The following MTA3 variants were observed in gnomAD, a reference collection of about 807,000 sequenced individuals.
The protein encoded by MTA3 is metastasis-associated protein MTA3.
A neutral mutation model predicts 83.5 loss-of-function variants in MTA3; 34 were observed. That is an observed-to-expected ratio of 0.41 (90% CI 0.31 to 0.54). MTA3 has a LOEUF of 0.54. MTA3 is among the 20% of genes least tolerant of loss of function. The pLI is 0.33. For synonymous variants in MTA3, 303 were observed against 252.7 expected, an observed-to-expected ratio of 1.20 and a Z score of -1.89; for missense variants, 761 against 726.4, an observed-to-expected ratio of 1.05 and a Z score of -0.55.
intron 4 of MTA3, among the ~76,000 whole-genome samples, chr2:42,615,302 A>G (rs748395697): frequency 2.0e-5 from 3 of 151,364 alleles, no homozygotes; most frequent in East Asian, 1.9e-4. Context: ...ACTGTATCCA[A>G]TAGCCATTCA....
upstream of MTA3, among the ~76,000 whole-genome samples, chr2:42,566,488 A>C (rs1004327251): frequency 5.9e-5 from 9 of 152,206 alleles, no homozygotes; most frequent in African/African-American, 2.2e-4. Context: ...TATAGAATCT[A>C]GAGCAAAAAA....
At chr2:42,627,707 G>T (rs1190475822) in intron 4 of MTA3, among the ~76,000 whole-genome samples, 1 of 148,016 alleles carries the variant, frequency 6.8e-6, no homozygotes, top group Non-Finnish European at 1.5e-5. Context: ...GGGAGTATGT[G>T]CCACCAAGCC....
At chr2:42,735,888 TTCTCTGTCTGAAAGGACACATA>T (rs1479583671) in intron 16 of MTA3, among the ~76,000 whole-genome samples, 2 of 152,230 alleles carry the variant, frequency 1.3e-5, no homozygotes, top group African/African-American at 4.8e-5. Flanking sequence ...TTATTTTGAA[TTCTCTGTCTGAAAGGACACATA>T]TCTCCATCTC....
At chr2:42,560,320 T>A (rs563660691) in intron 2 of MTA3, among the ~76,000 whole-genome samples, 103 of 151,562 alleles carry the variant, frequency 6.8e-4, no homozygotes, top group African/African-American at 2.4e-3. Flanking sequence ...ATTTTTTTTT[T>A]AAAACTGCGT....
intron 3 of MTA3, among the ~76,000 whole-genome samples, chr2:42,606,199 ACC>A (rs372470221): frequency 3.1e-3 from 292 of 94,488 alleles, no homozygotes; most frequent in Middle Eastern, 0.01. Flanking sequence ...CGGGGGGCTG[ACC>A]CCCCCCCACC....
At chr2:42,518,188 A>T (rs1043461280) in intron 2 of MTA3, among the ~76,000 whole-genome samples, 4 of 152,156 alleles carry the variant, frequency 2.6e-5, no homozygotes, top group Non-Finnish European at 4.4e-5. Context: ...CTCAAAAAAA[A>T]AGAAAATAAA....
chr2:42,728,513 C>T (rs1667982170), intron 16 of MTA3, among the ~76,000 whole-genome samples: 1 of 152,150 alleles, frequency 6.6e-6, no homozygotes, highest in Non-Finnish European at 1.5e-5. Context: ...ATCCTCCAAA[C>T]TGTTCTCATA....
In MTA3 at chr2:42,657,763, TAA is replaced by T. The variant is rs60686385; in HGVS notation, c.602+1480_602+1481del. ...GGCAATATAGTAAGACCTCATCTCT[TAA>T]AAAAAAAAAAAAAAAAAAGGGCCCG... On this transcript the variant is annotated intron_variant, in intron 7 of 16. Transcript: ENST00000405094. 8.3e-3 allele frequency among the ~76,000 whole-genome samples: 1,058 copies of T among 127,446 alleles called. 20 individuals are homozygous for T. Among genetic ancestry groups the T allele is most frequent in the Admixed American group, 0.043 (540 of 12,564 alleles). The allele number at this position is 127,446 out of a possible 152,430, so 83.6% of individuals were successfully genotyped here.
At chr2:42,605,078 C>T (rs1008204777) in intron 3 of MTA3, among the ~76,000 whole-genome samples, 2 of 150,880 alleles carry the variant, frequency 1.3e-5, no homozygotes, top group South Asian at 2.1e-4. Flanking sequence ...CATCCTGGCC[C>T]GTTCTCAATG....
chr2:42,575,890 C>T (rs536166544), intron 2 of MTA3, among the ~76,000 whole-genome samples: 12 of 152,136 alleles, frequency 7.9e-5, no homozygotes, highest in Non-Finnish European at 1.5e-4. Context: ...CCTCCGCCTA[C>T]CTGTTGTCAG....
intron 14 of MTA3, among the ~76,000 whole-genome samples, chr2:42,717,453 CGTTTT>C (rs947470629): frequency 6.6e-5 from 10 of 152,060 alleles, no homozygotes; most frequent in Admixed American, 2.6e-4. Context: ...TTTCAATACA[CGTTTT>C]GTTTTGTCCC....
chr2:42,753,287 T>G (rs938974577), intron 16 of MTA3, 87 bp from the exon 17 acceptor site: 5 of 1,543,988 alleles, frequency 3.2e-6, no homozygotes, highest in Non-Finnish European at 8.8e-7. Flanking sequence ...GGTTGTGATG[T>G]TGGGAGGGGT....
chr2:42,513,303 G>C (rs1401199778), intron 2 of MTA3, among the ~76,000 whole-genome samples: 5 of 152,248 alleles, frequency 3.3e-5, no homozygotes, highest in Non-Finnish European at 7.3e-5. Flanking sequence ...TGGGATACTG[G>C]TCCCTGTTCA....
intron 2 of MTA3, among the ~76,000 whole-genome samples, chr2:42,574,703 G>C (rs749590338): frequency 7.9e-5 from 12 of 152,194 alleles, no homozygotes; most frequent in Admixed American, 2.0e-4. Context: ...TGGGATTACA[G>C]GCGTGAACCA....
At chr2:42,564,769 C>T (rs1274648140), upstream of MTA3, among the ~76,000 whole-genome samples, 2 of 152,102 alleles carry the variant, frequency 1.3e-5, no homozygotes, top group Non-Finnish European at 2.9e-5. Flanking sequence ...GTGGCCAGCA[C>T]CAATCTCTTT....
chr2:42,588,871 C>T (rs1680648621), intron 3 of MTA3, among the ~76,000 whole-genome samples: 1 of 151,522 alleles, frequency 6.6e-6, no homozygotes, highest in Admixed American at 6.6e-5. Context: ...ATTTTTTTTG[C>T]AAGGAACTGG....
intron 3 of MTA3, among the ~76,000 whole-genome samples, chr2:42,603,752 C>CT (rs1682867809): frequency 6.6e-6 from 1 of 152,122 alleles, no homozygotes; most frequent in African/African-American, 2.4e-5. Flanking sequence ...ACACAATTTT[C>CT]TTTCTTTCCT....
intron 2 of MTA3, among the ~76,000 whole-genome samples, chr2:42,543,749 G>T (rs537391336): frequency 3.3e-5 from 5 of 149,576 alleles, no homozygotes; most frequent in Admixed American, 2.7e-4. Flanking sequence ...GCCTCCTAAA[G>T]TGCTGGGATT....
intron 10 of MTA3, among the ~76,000 whole-genome samples, chr2:42,697,327 C>G (rs1275724510): frequency 2.0e-5 from 3 of 152,202 alleles, no homozygotes; most frequent in Admixed American, 6.5e-5. Flanking sequence ...TAGCCACAGT[C>G]ACTCCTCTTG....
Sources: allele counts gnomAD v4.1 joint callset (sites outside exome capture counted in the v4.1 genomes callset), GRCh38; gene constraint gnomAD v4.1.1; transcripts MANE v1.5; gene names NCBI Gene and HGNC (gene_info 2026-07-23, HGNC 2026-07-21).